The following MBD5 variants were observed in gnomAD, a reference collection of about 807,000 sequenced individuals.
The protein encoded by MBD5 is methyl-CpG-binding domain protein 5.
In MBD5, 13 loss-of-function variants were observed where a neutral mutation model predicts 117.3. The ratio of observed to expected loss-of-function variants is 0.11; its 90% CI spans 0.07 to 0.18. The LOEUF (loss-of-function observed/expected upper bound fraction) is 0.18. MBD5 is among the 10% of genes least tolerant of loss of function. MBD5 has a pLI of 1.00. For synonymous variants in MBD5, 727 were observed against 766.4 expected, an observed-to-expected ratio of 0.95 and a Z score of 0.85; for missense variants, 1,879 against 2,093.8, an observed-to-expected ratio of 0.90 and a Z score of 2.00.
chr2:148,468,347 C>T lies in MBD5; in HGVS notation c.404C>T (p.Thr135Ile). Residue 135 changes from threonine (T) to isoleucine (I), a missense_variant, in exon 8 of 14, where the codon ACT becomes ATT. Thr to Ile is a moderately conservative substitution (Grantham distance 89). This residue lies in a region of MBD5 where 1,666 missense variants were observed against 1,792.2 expected (regional missense o/e 0.93). Transcript: ENST00000642680. ...TTTTTCTCTTTCACATCAGATGCAA[C>T]TCCAGTAGTACCTTCTCGGGCAGCA... ...LTSPGGGTNA[T>I]PVVPSRAATP... is the part of the protein sequence containing the mutation. 6.2e-7 allele frequency: 1 copy of T among 1,613,316 alleles called. No individual in the cohort carries two copies. Among genetic ancestry groups the T allele is most frequent in the South Asian group, 1.1e-5 (1 of 91,044 alleles).
intron 1 of MBD5, among the ~76,000 whole-genome samples, chr2:148,169,607 G>A (rs1302422791): frequency 1.3e-5 from 2 of 152,084 alleles, no homozygotes; most frequent in African/African-American, 2.4e-5. Context: ...AGATCTGATA[G>A]ACATTTTTAG....
chr2:148,185,378 C>A (rs536528153), intron 2 of MBD5, among the ~76,000 whole-genome samples: 10 of 152,304 alleles, frequency 6.6e-5, no homozygotes, highest in Non-Finnish European at 1.3e-4. Context: ...ACTATTCCAA[C>A]ATCTTGGTAT....
chr2:148,258,541 G>A lies in MBD5; in HGVS notation c.-680+25146G>A, dbSNP rs73013003. On this transcript the variant is annotated intron_variant, in intron 3 of 13. Coordinates refer to ENST00000642680, the MANE Select transcript of MBD5 (RefSeq NM_001378120.1). ...AGTGTCCCCCCAAACTGGGCATCCC[G>A]GCAAGTTCCCTAATGAAACAGAAAC... Among the ~76,000 whole-genome samples, 853 of 152,166 alleles carry A rather than the reference G, an allele frequency of 5.6e-3. 10 individuals carry two copies. Among genetic ancestry groups the A allele is most frequent in the African/African-American group, 0.02 (824 of 41,528 alleles).
chr2:148,114,477 A>T (rs368141646), intron 1 of MBD5, among the ~76,000 whole-genome samples: 5 of 152,312 alleles, frequency 3.3e-5, no homozygotes, highest in African/African-American at 1.2e-4. Flanking sequence ...CTCAAAAAAA[A>T]ACCAGAGTAT....
At chr2:148,449,063 G>A (rs1239120086) in intron 4 of MBD5, among the ~76,000 whole-genome samples, 2 of 152,010 alleles carry the variant, frequency 1.3e-5, no homozygotes, top group Non-Finnish European at 2.9e-5. Flanking sequence ...TTATCGTTTT[G>A]TTCATAGATG....
chr2:148,166,432 G>A (rs16828347), intron 1 of MBD5, among the ~76,000 whole-genome samples: 1,871 of 152,204 alleles, frequency 0.012, 44 homozygotes, highest in African/African-American at 0.043. Flanking sequence ...CATTACTGCT[G>A]GCTTACAGAA....
chr2:148,362,912 A>G (rs529245255), intron 4 of MBD5, among the ~76,000 whole-genome samples: 1 of 152,322 alleles, frequency 6.6e-6, no homozygotes, highest in East Asian at 1.9e-4. Flanking sequence ...TGTTACAAGG[A>G]TAACTAGCAA....
chr2:148,264,397 G>T (rs1700807950), intron 3 of MBD5: 1 of 152,126 alleles, frequency 6.6e-6, no homozygotes, highest in South Asian at 2.1e-4. Flanking sequence ...TGTTGTCTAA[G>T]GTCACACACA....
chr2:148,471,879 C>T (rs972311621), intron 8 of MBD5: 6 of 151,962 alleles, frequency 3.9e-5, no homozygotes, highest in African/African-American at 1.2e-4. Flanking sequence ...TTAGATAACT[C>T]GACACAAATG....
intron 4 of MBD5, among the ~76,000 whole-genome samples, chr2:148,418,844 T>C (rs965028719): frequency 6.6e-6 from 1 of 151,990 alleles, no homozygotes; most frequent in African/African-American, 2.4e-5. Flanking sequence ...AAAATACCAA[T>C]GTTATTCTTT....
At chr2:148,124,473 G>A (rs184768402) in intron 1 of MBD5, among the ~76,000 whole-genome samples, 1 of 152,226 alleles carries the variant, frequency 6.6e-6, no homozygotes, top group East Asian at 1.9e-4. Flanking sequence ...AGTTACTCAT[G>A]AGACTGAGGT....
intron 1 of MBD5, among the ~76,000 whole-genome samples, chr2:148,148,835 T>A (rs1025437064): frequency 2.0e-5 from 3 of 152,176 alleles, no homozygotes; most frequent in Non-Finnish European, 2.9e-5. Context: ...AATGAACTTA[T>A]CATCTTCTAC....
intron 1 of MBD5, among the ~76,000 whole-genome samples, chr2:148,102,566 C>T (rs563749626): frequency 4.5e-4 from 69 of 151,918 alleles, no homozygotes; most frequent in African/African-American, 1.4e-3. Context: ...TGTGTTCTTT[C>T]GGTGGTATCA....
At chr2:148,359,195 A>T (rs1171366760) in intron 4 of MBD5, among the ~76,000 whole-genome samples, 1 of 150,872 alleles carries the variant, frequency 6.6e-6, no homozygotes, top group African/African-American at 2.4e-5. Flanking sequence ...TGAACTTGGG[A>T]GGAGGAGGTT....
intron 3 of MBD5, among the ~76,000 whole-genome samples, chr2:148,282,899 GC>G (rs1414326656): frequency 0.016 from 1,044 of 64,072 alleles, 13 homozygotes; most frequent in African/African-American, 0.048. Flanking sequence ...AGACTTAACC[GC>G]CCCCCCCCAT....
intron 8 of MBD5, chr2:148,471,920 G>A (rs1680810605): frequency 6.6e-6 from 1 of 151,984 alleles, no homozygotes; most frequent in Non-Finnish European, 1.5e-5. Context: ...TAGCAGAAAA[G>A]TCACACAAAG....
chr2:148,279,656 C>A (rs926633103), intron 3 of MBD5, among the ~76,000 whole-genome samples: 11 of 152,286 alleles, frequency 7.2e-5, no homozygotes, highest in African/African-American at 2.6e-4. Flanking sequence ...TCTTTATTTT[C>A]ATTTAGCTCT....
intron 1 of MBD5, among the ~76,000 whole-genome samples, chr2:148,073,569 C>T (rs1695416766): frequency 6.6e-6 from 1 of 151,988 alleles, no homozygotes; most frequent in Non-Finnish European, 1.5e-5. Context: ...TACTGTATAA[C>T]CATTAAAAAT....
At chr2:148,178,623 A>G (rs1698443327) in intron 1 of MBD5, 77 bp from the exon 2 acceptor site, 1 of 392,444 alleles carries the variant, frequency 2.5e-6, no homozygotes, top group Non-Finnish European at 4.5e-6. Context: ...AATAATTTCA[A>G]TTTTTTTATA....
Sources: gnomAD v4.1 joint callset for allele counts (sites outside exome capture counted in the v4.1 genomes callset) on GRCh38, gnomAD v4.1.1 for gene constraint, gnomAD v4.1.1 regional missense constraint, MANE v1.5 for transcripts, NCBI Gene and HGNC (gene_info 2026-07-23, HGNC 2026-07-21) for gene names.